The following TNNT2 variants were observed in gnomAD, a reference collection of about 807,000 sequenced individuals.
TNNT2 encodes the protein troponin T2, cardiac type, also known as troponin T, cardiac muscle.
TNNT2 carries 34 observed loss-of-function variants against 62.4 expected under a neutral mutation model. The observed-to-expected ratio is 0.54, with a 90% CI of 0.41 to 0.72. The LOEUF (loss-of-function observed/expected upper bound fraction) is 0.72. TNNT2 is among the 30% of genes least tolerant of loss of function. The pLI is 0.00. For missense variants in TNNT2, 275 were observed against 381.9 expected, an observed-to-expected ratio of 0.72 and a Z score of 2.33; for synonymous variants, 123 against 127.2, an observed-to-expected ratio of 0.97 and a Z score of 0.22.
intron 1 of TNNT2, 129 bp from the exon 2 acceptor site, chr1:201,373,397 G>A (rs998062670): frequency 1.2e-6 from 1 of 820,442 alleles, no homozygotes; most frequent in Non-Finnish European, 2.1e-6. Context: ...CATGAGCTGT[G>A]TGACCTGCAA....
chr1:201,361,027 C>G (rs1206519688), intron 15 of TNNT2: 1 of 551,886 alleles, frequency 1.8e-6, no homozygotes, highest in Non-Finnish European at 3.3e-6. Context: ...TGGAGACCCC[C>G]AGGGTTGGAA....
rs560542809 is a variant in TNNT2, at chr1:201,375,626, G to A, written c.-15+1997C>T. Among the ~76,000 whole-genome samples the A allele has an allele frequency of 2.6e-5, 4 of 152,320 alleles. No individual in the cohort carries two copies. The South Asian group carries it at 8.3e-4, about 32-fold the overall frequency. On this transcript the variant is annotated intron_variant, in intron 1 of 16. Transcript: ENST00000656932. ...AGAATAGCCTTCCTAACCCTAGGAT[G>A]GGTGGGGCTGACAATTGTTACCCAA... is the stretch of plus-strand genomic sequence containing the variant.
chr1:201,374,146 T>C (rs953166482), intron 1 of TNNT2: 3 of 152,246 alleles, frequency 2.0e-5, no homozygotes, highest in African/African-American at 7.2e-5. Context: ...TGTCCAATCT[T>C]GGTTTTGATA....
chr1:201,363,151 G>A, intron 12 of TNNT2, 145 bp downstream of exon 12: 1 of 1,560,478 alleles, frequency 6.4e-7, no homozygotes. Flanking sequence ...CTCAGGGCTG[G>A]GCATGAGGAG....
In TNNT2 at chr1:201,359,665, T is replaced by G; in HGVS notation, c.811-2A>C. The G allele has an allele frequency of 6.3e-7, 1 of 1,589,146 alleles. No homozygotes were observed. Among genetic ancestry groups the G allele is most frequent in the South Asian group, 1.1e-5 (1 of 87,550 alleles). ...GATCCTGTTTCGGAGAACATTGATC[T>G]GCAAGAAAAGTGGGAAGGACAAAGA... is the stretch of plus-strand genomic sequence containing the variant. On this transcript the variant is annotated splice_acceptor_variant, in intron 15 of 16. Coordinates refer to ENST00000656932, the MANE Select transcript of TNNT2 (RefSeq NM_001276345.2). LOFTEE classifies it high-confidence loss of function.
At chr1:201,362,328 C>T in intron 13 of TNNT2, 58 bp downstream of exon 13, 1 of 1,606,958 alleles carries the variant, frequency 6.2e-7, no homozygotes, top group Non-Finnish European at 8.5e-7. Context: ...GCCTTCCCCT[C>T]CCAGGGAGCT....
At chr1:201,366,904 A>T (rs750964543) in intron 7 of TNNT2, 33 bp from the exon 8 acceptor site, 1 of 1,614,096 alleles carries the variant, frequency 6.2e-7, no homozygotes, top group Non-Finnish European at 8.5e-7. Context: ...GCCATGGGTC[A>T]GGGGGCCCCA....
chr1:201,366,104 T>C, intron 8 of TNNT2: 21 of 1,105,534 alleles, frequency 1.9e-5, no homozygotes, highest in Non-Finnish European at 2.2e-5. Flanking sequence ...TCCCAACACA[T>C]ACTGAGACCC....
At chr1:201,366,910 C>G in intron 7 of TNNT2, 39 bp from the exon 8 acceptor site, 1 of 1,614,010 alleles carries the variant, frequency 6.2e-7, no homozygotes, top group South Asian at 1.1e-5. Context: ...GGTCAGGGGG[C>G]CCCAGAAGTG....
chr1:201,359,374 G>A lies in TNNT2; in HGVS notation c.852-119C>T, dbSNP rs1658170288. On this transcript the variant is annotated intron_variant, in intron 16 of 16. Coordinates refer to ENST00000656932, the MANE Select transcript of TNNT2 (RefSeq NM_001276345.2). Reference sequence around the variant, plus strand: ...GGAGCAGGCTGGAGCTGCCTCCAGGGGCAGAATAGGACAGCAGCCTGAGGC... The same window carrying A: ...GGAGCAGGCTGGAGCTGCCTCCAGGAGCAGAATAGGACAGCAGCCTGAGGC... The A allele has an allele frequency of 3.3e-5, 42 of 1,280,692 alleles. No homozygotes were observed. The South Asian group carries it at 4.3e-4, about 13-fold the overall frequency. 79.3% of individuals were successfully genotyped at this position (1,280,692 alleles called of 1,614,324 possible). A position where few individuals can be genotyped will look rare whatever the true frequency, so the allele number is the denominator to read the frequency against.
chr1:201,362,090 A>G, intron 13 of TNNT2, 68 bp from the exon 14 acceptor site: 1 of 1,527,982 alleles, frequency 6.5e-7, no homozygotes, highest in Non-Finnish European at 9.1e-7. Context: ...CCCTCCCCAA[A>G]CCCCCTGGGG....
At position 201,363,263 on chromosome 1, in the gene TNNT2, A is replaced by C. The variant is rs781442543; in HGVS notation, c.600+33T>G. ...CCTCATTCCTCAGGGCTATACTAGGATCTCCTGGCAACCCCTGCTGCTCCC... is the reference window on the plus strand; with the variant it reads ...CCTCATTCCTCAGGGCTATACTAGGCTCTCCTGGCAACCCCTGCTGCTCCC... On this transcript the variant is annotated intron_variant, in intron 12 of 16. Coordinates refer to ENST00000656932, the MANE Select transcript of TNNT2 (RefSeq NM_001276345.2). 2.5e-6 allele frequency: 4 copies of C among 1,613,194 alleles called. No individual in the cohort carries two copies. The African/African-American group carries it at 4.0e-5, about 16-fold the overall frequency.
At chr1:201,367,986 A>G (rs1659966545) in intron 6 of TNNT2, among the ~76,000 whole-genome samples, 176 bp downstream of exon 6, 1 of 152,166 alleles carries the variant, frequency 6.6e-6, no homozygotes, top group Non-Finnish European at 1.5e-5. Context: ...GCCTGACACA[A>G]GAGAAGCGCT....
intron 12 of TNNT2, chr1:201,363,079 C>T (rs922935632): frequency 2.0e-6 from 2 of 984,012 alleles, no homozygotes; most frequent in African/African-American, 3.5e-5. Flanking sequence ...CCAGGCTCTG[C>T]CTGTAGCCCC....
rs539411850 is a variant in TNNT2 at position 201,366,041 on chromosome 1, T to C, written c.234-371A>G. On this transcript the variant is annotated intron_variant, in intron 8 of 16. Transcript: ENST00000656932. ...GCTTCTTGGACTTCAAATCCCCTGGTGGACCCCGCAGAAACTGGCCATGAA... is the reference window on the plus strand; with the variant it reads ...GCTTCTTGGACTTCAAATCCCCTGGCGGACCCCGCAGAAACTGGCCATGAA... The C allele has an allele frequency of 1.6e-5, 19 of 1,170,378 alleles. No individual in the cohort carries two copies. The South Asian group carries it at 3.3e-4, about 20-fold the overall frequency. The allele number at this position is 1,170,378 out of a possible 1,614,324, so 72.5% of individuals were successfully genotyped here.
rs727505030 is a variant in TNNT2 at position 201,364,300 on chromosome 1, C to T, written c.487G>A (p.Ala163Thr). Residue 163 changes from alanine (A) to threonine (T), a missense_variant and splice_region_variant, in exon 11 of 17, where the codon GCT becomes ACT. Coordinates refer to ENST00000656932, the MANE Select transcript of TNNT2 (RefSeq NM_001276345.2). ...EREKERQNRL[A>T]EERARREEEE... Reference sequence around the variant, plus strand: ...GGCCTGGGCTAGGGGTCACTCACAGCCAGGCGGTTCTGCCGCTCCTTCTCC... The same window carrying T: ...GGCCTGGGCTAGGGGTCACTCACAGTCAGGCGGTTCTGCCGCTCCTTCTCC... The T allele has an allele frequency of 1.2e-6, 2 of 1,612,156 alleles. No individual in the cohort carries two copies. The highest frequency in any genetic ancestry group is 2.7e-5 in the African/African-American group (2 of 74,936).
At chr1:201,368,025 A>G (rs543100636) in intron 6 of TNNT2, 137 bp downstream of exon 6, 83 of 1,038,524 alleles carry the variant, frequency 8.0e-5, no homozygotes, top group Non-Finnish European at 1.2e-4. Flanking sequence ...TGGGCAATCA[A>G]TGGTTGAATC....
chr1:201,366,446 C>A, intron 8 of TNNT2: 1 of 1,128,974 alleles, frequency 8.9e-7, no homozygotes, highest in African/African-American at 1.6e-5. Flanking sequence ...TCTCTGAAGC[C>A]GCCATGCCTA....
At chr1:201,366,556 G>C (rs1263094847) in intron 8 of TNNT2, 13 of 1,338,250 alleles carry the variant, frequency 9.7e-6, no homozygotes, top group Non-Finnish European at 1.2e-5. Flanking sequence ...CATACTGTGA[G>C]AGAGGAGAGT....
Sources: allele counts gnomAD v4.1 joint callset (sites outside exome capture counted in the v4.1 genomes callset), GRCh38; gene constraint gnomAD v4.1.1; transcripts MANE v1.5; gene names NCBI Gene and HGNC (gene_info 2026-07-23, HGNC 2026-07-21).